Variants in FRMD4B observed in about 807,000 individuals in gnomAD.
FRMD4B encodes the protein FERM domain containing 4B, also known as FERM domain-containing protein 4B.
FRMD4B carries 74 observed loss-of-function variants against 141.5 expected under a neutral mutation model. The ratio of observed to expected loss-of-function variants is 0.52; its 90% confidence interval spans 0.43 to 0.63. The LOEUF is 0.63. FRMD4B is among the 30% of genes least tolerant of loss of function. The pLI, the probability that FRMD4B is intolerant of heterozygous loss-of-function variation, is 0.00. For missense variants in FRMD4B, 1,366 were observed against 1,253.4 expected, an observed-to-expected ratio of 1.09 and a Z score of -1.36; for synonymous variants, 506 against 467.9, an observed-to-expected ratio of 1.08 and a Z score of -1.05.
chr3:69,366,419 T>C (rs1377603981), intron 1 of FRMD4B, among the ~76,000 whole-genome samples: 1 of 132,648 alleles, frequency 7.5e-6, no homozygotes, highest in Non-Finnish European at 1.6e-5. Context: ...ATGTAAGACA[T>C]GTAAGTAAAT....
At chr3:69,491,065 A>T (rs1290124670) in intron 1 of FRMD4B, among the ~76,000 whole-genome samples, 1 of 152,220 alleles carries the variant, frequency 6.6e-6, no homozygotes, top group Admixed American at 6.5e-5. Context: ...AAATTGTTTC[A>T]GTAAAACTAG....
At chr3:69,536,304 C>A in intron 1 of FRMD4B, 1 of 642,600 alleles carries the variant, frequency 1.6e-6, no homozygotes, top group South Asian at 1.8e-5. Flanking sequence ...GGATTTTCCT[C>A]TTGTGCTTGG....
intron 1 of FRMD4B, among the ~76,000 whole-genome samples, chr3:69,506,935 AAG>A (rs1412385203): frequency 6.6e-6 from 1 of 152,172 alleles, no homozygotes; most frequent in African/African-American, 2.4e-5. Flanking sequence ...TGTACTTTCC[AAG>A]GTGTTAATTT....
chr3:69,270,256 A>T (rs2093587980), intron 5 of FRMD4B, among the ~76,000 whole-genome samples: 1 of 152,228 alleles, frequency 6.6e-6, no homozygotes, highest in Non-Finnish European at 1.5e-5. Context: ...TGACTTAATC[A>T]TGAAATGGAA....
chr3:69,488,061 A>G (rs1175739896), intron 1 of FRMD4B, among the ~76,000 whole-genome samples: 1 of 152,064 alleles, frequency 6.6e-6, no homozygotes, highest in East Asian at 1.9e-4. Flanking sequence ...AGAAAGAACA[A>G]AAGAAAGAAA....
At chr3:69,295,293 A>T (rs78944320) in intron 4 of FRMD4B, among the ~76,000 whole-genome samples, 2 of 152,106 alleles carry the variant, frequency 1.3e-5, no homozygotes, top group Non-Finnish European at 2.9e-5. Context: ...CCAATGCTGA[A>T]GACATTATTT....
At chr3:69,357,266 A>G (rs1703350838) in intron 1 of FRMD4B, among the ~76,000 whole-genome samples, 1 of 152,230 alleles carries the variant, frequency 6.6e-6, no homozygotes, top group Non-Finnish European at 1.5e-5. Context: ...ACAGTGGCAA[A>G]GCTGATGCTA....
At position 69,177,453 on chromosome 3, in the gene FRMD4B, T is replaced by C. The variant is rs192220360; in HGVS notation, c.2852-797A>G. Among the ~76,000 whole-genome samples, 250 of 152,068 alleles carry C rather than the reference T, an allele frequency of 1.6e-3. 1 individual carries two copies. Among genetic ancestry groups the C allele is most frequent in the South Asian group, 4.4e-3 (21 of 4,818 alleles). Reference sequence around the variant, plus strand: ...ACGCTTGAGCCCAGGAGTTCAAGGCTAGCCTCAGCAACATGGCAAAACCCC... The same window carrying C: ...ACGCTTGAGCCCAGGAGTTCAAGGCCAGCCTCAGCAACATGGCAAAACCCC... On this transcript the variant is annotated intron_variant, in intron 21 of 22. Transcript: ENST00000398540.
At chr3:69,364,875 A>T (rs200896951) in intron 1 of FRMD4B, among the ~76,000 whole-genome samples, 10 of 94,616 alleles carry the variant, frequency 1.1e-4, no homozygotes, top group African/African-American at 5.3e-4. Context: ...TGTTTTTTTA[A>T]AAAAATAAAT....
chr3:69,384,582 T>C (rs1419062232), intron 1 of FRMD4B, among the ~76,000 whole-genome samples: 12 of 152,230 alleles, frequency 7.9e-5, no homozygotes, highest in Admixed American at 7.9e-4. Context: ...AATTCCCTAA[T>C]ACTCTCAAAC....
At chr3:69,327,323 A>G (rs1702219314) in intron 1 of FRMD4B, among the ~76,000 whole-genome samples, 3 of 152,248 alleles carry the variant, frequency 2.0e-5, no homozygotes, top group East Asian at 1.9e-4. Context: ...GATATTGAAA[A>G]TAAACTGCAG....
rs139848640 is a variant in FRMD4B, at chr3:69,345,036, G to C, written c.163-31519C>G. Among the ~76,000 whole-genome samples, 1,145 of 152,164 alleles carry C rather than the reference G, an allele frequency of 7.5e-3. 17 individuals are homozygous for C. The highest frequency in any genetic ancestry group is 0.026 in the African/African-American group (1,071 of 41,516). ...CCGAGAGTGAGCTGAAGCAGGGTGA[G>C]GCATCGCCTCACCTGGGAAGCACAA... On this transcript the variant is annotated intron_variant, in intron 1 of 22. Transcript: ENST00000398540.
intron 1 of FRMD4B, among the ~76,000 whole-genome samples, chr3:69,485,758 A>T (rs749622695): frequency 8.5e-5 from 13 of 152,150 alleles, no homozygotes; most frequent in Middle Eastern, 3.2e-3. Flanking sequence ...GCTTGGGGTG[A>T]CCCAGAGCTC....
intron 1 of FRMD4B, among the ~76,000 whole-genome samples, chr3:69,371,770 T>A (rs140815600): frequency 1.3e-5 from 2 of 152,344 alleles, no homozygotes; most frequent in African/African-American, 4.8e-5. Flanking sequence ...AGTTGCCATT[T>A]ACTGACAAAT....
At chr3:69,499,218 G>C (rs796988313) in intron 1 of FRMD4B, among the ~76,000 whole-genome samples, 20 of 152,254 alleles carry the variant, frequency 1.3e-4, no homozygotes, top group African/African-American at 3.6e-4. Flanking sequence ...TGTAATTGGG[G>C]TCCAAGAGAT....
chr3:69,228,470 TG>T (rs2093275381), intron 7 of FRMD4B: 1 of 456,330 alleles, frequency 2.2e-6, no homozygotes, highest in South Asian at 1.5e-5. Flanking sequence ...AGGAGAACAT[TG>T]CCCATGTTTC....
intron 5 of FRMD4B, among the ~76,000 whole-genome samples, chr3:69,276,015 T>C (rs1413272104): frequency 6.6e-6 from 1 of 152,208 alleles, no homozygotes; most frequent in Middle Eastern, 3.2e-3. Context: ...TCTTTTAACA[T>C]TTAACAACAT....
At chr3:69,222,043 T>C in intron 8 of FRMD4B, 120 bp from the exon 9 acceptor site, 1 of 673,888 alleles carries the variant, frequency 1.5e-6, no homozygotes, top group Non-Finnish European at 2.7e-6. Flanking sequence ...CCAACTTGTT[T>C]GGTAGATAGA....
At position 69,454,991 on chromosome 3, in the gene FRMD4B, C is replaced by A. The variant is rs149969657; in HGVS notation, c.-128-22230G>T. Among the ~76,000 whole-genome samples, 524 of 152,284 alleles carry A rather than the reference C, an allele frequency of 3.4e-3. 4 individuals carry two copies. Among genetic ancestry groups the A allele is most frequent in the African/African-American group, 0.012 (490 of 41,560 alleles). Reference sequence around the variant, plus strand: ...TAGCTTGGAGTTCGTGGGTACAACACTCAGCACTCTAAATCTAGCTAATCT... The same window carrying A: ...TAGCTTGGAGTTCGTGGGTACAACAATCAGCACTCTAAATCTAGCTAATCT... On this transcript the variant is annotated intron_variant, in intron 1 of 5. Transcript: ENST00000459638.
Sources: allele counts gnomAD v4.1 joint callset (sites outside exome capture counted in the v4.1 genomes callset), GRCh38; gene constraint gnomAD v4.1.1; transcripts MANE v1.5; gene names NCBI Gene and HGNC (gene_info 2026-07-23, HGNC 2026-07-21).